The following MON2 variants were observed in gnomAD, a reference collection of about 807,000 sequenced individuals.
MON2 encodes MON2 regulator of endosome-to-Golgi trafficking.
MON2 carries 84 observed loss-of-function variants against 208.6 expected under a neutral mutation model. The ratio of observed to expected loss-of-function variants is 0.40; its 90% CI spans 0.34 to 0.48. The LOEUF is 0.48. Among genes scored for constraint, MON2 ranks in the 20% least tolerant of loss-of-function variants. MON2 has a pLI of 0.59. For synonymous variants in MON2, 660 were observed against 694.0 expected (o/e 0.95, Z 0.77); for missense variants, 1,611 against 2,015.4 (o/e 0.80, Z 3.84).
Position 62,512,538 on chromosome 12 carries a change from T to C in MON2, c.984+4058T>C, listed in dbSNP as rs142212087. 1.8e-3 allele frequency among the ~76,000 whole-genome samples: 269 copies of C among 152,276 alleles called. 8 individuals are homozygous for C. The East Asian group carries it at 0.047, about 27-fold the overall frequency. ...CGATGCAAGAGGAGGGTTCCCATGGTCTTGGGCAGCTCCACTCCTGTGGCT... is the reference window on the plus strand; with the variant it reads ...CGATGCAAGAGGAGGGTTCCCATGGCCTTGGGCAGCTCCACTCCTGTGGCT... On this transcript the variant is annotated intron_variant, in intron 8 of 34. Coordinates refer to ENST00000393630, the MANE Select transcript of MON2 (RefSeq NM_015026.3).
intron 15 of MON2, 50 bp from the exon 16 acceptor site, chr12:62,537,552 T>G (rs1266602280): frequency 2.2e-6 from 3 of 1,382,182 alleles, no homozygotes; most frequent in Non-Finnish European, 3.0e-6. Context: ...AGCTTTTAAT[T>G]TTTAAGAATA....
intron 21 of MON2, chr12:62,545,779 C>T (rs1371979292): frequency 6.6e-6 from 1 of 152,042 alleles, no homozygotes; most frequent in African/African-American, 2.4e-5. Flanking sequence ...TTGAATACCC[C>T]ACCTGGAATA....
chr12:62,588,018 A>G (rs1442588233), intron 33 of MON2, 56 bp from the exon 34 acceptor site: 4 of 1,179,930 alleles, frequency 3.4e-6, no homozygotes, highest in Admixed American at 4.0e-5. Context: ...TTAAAAAACA[A>G]ACATACCTGG....
chr12:62,467,801 C>T (rs916030314), intron 1 of MON2, among the ~76,000 whole-genome samples: 12 of 152,138 alleles, frequency 7.9e-5, no homozygotes, highest in Admixed American at 7.9e-4. Flanking sequence ...ATAAACTATC[C>T]AGAGCCACCT....
chr12:62,551,167 C>T (rs901460463), intron 23 of MON2, among the ~76,000 whole-genome samples: 8 of 152,122 alleles, frequency 5.3e-5, no homozygotes, highest in African/African-American at 1.9e-4. Context: ...GGCTCACTGG[C>T]ACAAGAGGCC....
chr12:62,588,674 C>T (rs1275465818), intron 34 of MON2, among the ~76,000 whole-genome samples: 3 of 151,992 alleles, frequency 2.0e-5, no homozygotes, highest in South Asian at 4.1e-4. Context: ...CCTCATCCTC[C>T]CAAAGCAAAA....
At chr12:62,489,830 C>T (rs2070013763) in intron 2 of MON2, among the ~76,000 whole-genome samples, 1 of 151,958 alleles carries the variant, frequency 6.6e-6, no homozygotes, top group African/African-American at 2.4e-5. Flanking sequence ...ACTAAAATAC[C>T]TTTTAATGTT....
intron 1 of MON2, among the ~76,000 whole-genome samples, chr12:62,483,576 C>G (rs936452735): frequency 3.3e-5 from 5 of 152,090 alleles, no homozygotes; most frequent in African/African-American, 4.8e-5. Flanking sequence ...ATTAGCCAGG[C>G]ATGGTGGTGG....
chr12:62,521,394 T>G (rs2072032280), intron 8 of MON2, among the ~76,000 whole-genome samples: 1 of 152,170 alleles, frequency 6.6e-6, no homozygotes, highest in Non-Finnish European at 1.5e-5. Flanking sequence ...TAGTACAGTT[T>G]GGGGTTACTG....
rs1268807689 is a variant in MON2, at chr12:62,535,603, A to G, written c.1794A>G (p.Val598=). The G allele has an allele frequency of 6.2e-7, 1 of 1,613,732 alleles. No individual in the cohort carries two copies. The highest frequency in any genetic ancestry group is 1.3e-5 in the African/African-American group (1 of 74,880). Residue 598 remains valine, a synonymous_variant, in exon 14 of 35, where the codon GTA becomes GTG. Coordinates refer to ENST00000393630, the MANE Select transcript of MON2 (RefSeq NM_015026.3). ...CTCTTTGTGGAAGACTGGGCCTTGT[A>G]ACTTCAAGAGATGCCTTTATAACTG... is the stretch of plus-strand genomic sequence containing the variant. ...MAALCGRLGL[V]TSRDAFITAI... is the part of the protein sequence containing the mutation.
chr12:62,538,131 T>A lies in MON2; in HGVS notation c.2154T>A (p.Ser718Arg). Residue 718 changes from serine (S) to arginine (R), a missense_variant, in exon 17 of 35, where the codon AGT (serine) becomes AGA (arginine). Transcript: ENST00000393630. ...LVWILGLKPSSGGALKPGRAV... is the reference protein window; with the variant it reads ...LVWILGLKPSRGGALKPGRAV... ...GGATTCTGGGATTAAAGCCTAGTAG[T>A]GGCGGTGCCTTGAAACCTGGGAGAG... The A allele has an allele frequency of 6.2e-7, 1 of 1,613,906 alleles. No individual in the cohort carries two copies. The highest frequency in any genetic ancestry group is 8.5e-7 in the Non-Finnish European group (1 of 1,179,866).
chr12:62,589,744 TAAAA>T (rs5798649), intron 34 of MON2, among the ~76,000 whole-genome samples: 3 of 113,636 alleles, frequency 2.6e-5, no homozygotes, highest in Non-Finnish European at 1.8e-5. Flanking sequence ...ACCCCATCTT[TAAAA>T]AAAAAAAAAA....
chr12:62,535,446 G>C, intron 13 of MON2, 79 bp from the exon 14 acceptor site: 1 of 1,066,734 alleles, frequency 9.4e-7, no homozygotes, highest in South Asian at 1.9e-5. Flanking sequence ...AAATGTCACT[G>C]AATACTTAAT....
intron 11 of MON2, among the ~76,000 whole-genome samples, chr12:62,530,513 G>C (rs1453502152): frequency 1.3e-5 from 2 of 152,134 alleles, no homozygotes; most frequent in East Asian, 3.9e-4. Flanking sequence ...TTACAGGCAT[G>C]AGCCACCGTG....
intron 7 of MON2, among the ~76,000 whole-genome samples, chr12:62,506,800 C>T (rs1488607977): frequency 6.6e-6 from 1 of 151,026 alleles, no homozygotes; most frequent in East Asian, 1.9e-4. Flanking sequence ...TATTTTCCTT[C>T]TCTGTAAGAT....
intron 25 of MON2, among the ~76,000 whole-genome samples, chr12:62,557,645 A>C (rs1238468023): frequency 6.6e-6 from 1 of 152,058 alleles, no homozygotes; most frequent in Non-Finnish European, 1.5e-5. Context: ...AAACTAATTT[A>C]TGTTAAAGCA....
At chr12:62,579,144 T>C (rs902214848) in intron 31 of MON2, among the ~76,000 whole-genome samples, 4 of 151,606 alleles carry the variant, frequency 2.6e-5, no homozygotes, top group Admixed American at 1.3e-4. Context: ...CTCGGGAGAC[T>C]GAAGTGAGAG....
At chr12:62,558,104 A>C (rs1446905624) in intron 25 of MON2, among the ~76,000 whole-genome samples, 8 of 148,448 alleles carry the variant, frequency 5.4e-5, no homozygotes, top group African/African-American at 2.0e-4. Context: ...CCTCCTGAGT[A>C]GCAGGGATTA....
At chr12:62,582,417 T>C (rs774820153) in intron 32 of MON2, among the ~76,000 whole-genome samples, 9 of 152,210 alleles carry the variant, frequency 5.9e-5, no homozygotes, top group Non-Finnish European at 1.2e-4. Flanking sequence ...ACCACAACAA[T>C]GCTCCTGCTC....
Sources: allele counts gnomAD v4.1 joint callset (sites outside exome capture counted in the v4.1 genomes callset), GRCh38; gene constraint gnomAD v4.1.1; transcripts MANE v1.5; gene names NCBI Gene and HGNC (gene_info 2026-07-23, HGNC 2026-07-21).